Variants in TAF4B observed in about 807,000 individuals in gnomAD.
TAF4B encodes TATA-box binding protein associated factor 4b, also known as transcription initiation factor TFIID subunit 4B.
A neutral mutation model predicts 86.4 loss-of-function variants in TAF4B; 38 were observed. The observed-to-expected ratio is 0.44, with a 90% CI of 0.34 to 0.58. The LOEUF (loss-of-function observed/expected upper bound fraction) is 0.58, where lower values mean the gene tolerates loss of function less well. Ranked by LOEUF, TAF4B falls within the 20% of genes least tolerant of loss-of-function variation. TAF4B has a pLI of 0.02. For synonymous variants in TAF4B, 388 were observed against 391.2 expected (o/e 0.99, Z 0.10); for missense variants, 988 against 1,027.6 (o/e 0.96, Z 0.53).
At chr18:26,238,566 T>C (rs1307251011) in intron 1 of TAF4B, among the ~76,000 whole-genome samples, 1 of 152,158 alleles carries the variant, frequency 6.6e-6, no homozygotes, top group East Asian at 1.9e-4. Context: ...TATTTTTTTA[T>C]AAGTAATGAA....
chr18:26,306,824 G>A (rs1165793025), intron 9 of TAF4B, among the ~76,000 whole-genome samples: 1 of 1,792 alleles, frequency 5.6e-4, no homozygotes, highest in Non-Finnish European at 2.7e-3. Context: ...TGTCTCCCAG[G>A]CTGGAGTGCA....
intron 13 of TAF4B, among the ~76,000 whole-genome samples, chr18:26,351,518 A>G (rs2057246059): frequency 6.6e-6 from 1 of 152,178 alleles, no homozygotes; most frequent in Admixed American, 6.5e-5. Context: ...TGTTCTTAAC[A>G]TAAAAGTATG....
chr18:26,363,663 C>T (rs2057347998), intron 14 of TAF4B, among the ~76,000 whole-genome samples: 1 of 152,176 alleles, frequency 6.6e-6, no homozygotes, highest in Non-Finnish European at 1.5e-5. Context: ...TATTCACTTG[C>T]TTTATTTCTT....
chr18:26,260,251 A>G (rs944886966), intron 1 of TAF4B, among the ~76,000 whole-genome samples: 1 of 152,102 alleles, frequency 6.6e-6, no homozygotes, highest in Admixed American at 6.5e-5. Context: ...CTCTGATGGT[A>G]GTTTCTTTTG....
chr18:26,326,649 GATA>G (rs1370145160), intron 11 of TAF4B, among the ~76,000 whole-genome samples: 2 of 152,132 alleles, frequency 1.3e-5, no homozygotes, highest in Admixed American at 6.5e-5. Context: ...TGCTGAGGTA[GATA>G]ATAATCTAAA....
intron 9 of TAF4B, among the ~76,000 whole-genome samples, chr18:26,307,995 C>G (rs2056813473): frequency 6.6e-6 from 1 of 152,092 alleles, no homozygotes; most frequent in African/African-American, 2.4e-5. Flanking sequence ...GTAGTCCCAG[C>G]TACTTGGGAG....
intron 1 of TAF4B, among the ~76,000 whole-genome samples, chr18:26,245,970 G>A (rs1329084847): frequency 6.6e-6 from 1 of 152,188 alleles, no homozygotes; most frequent in Non-Finnish European, 1.5e-5. Flanking sequence ...TTTTTGTGCA[G>A]TTTGGAAACG....
intron 14 of TAF4B, among the ~76,000 whole-genome samples, chr18:26,368,727 A>G (rs1165817602): frequency 6.6e-6 from 1 of 151,274 alleles, no homozygotes; most frequent in African/African-American, 2.4e-5. Context: ...TTTTTTTTAC[A>G]TTCTGTTTTG....
chr18:26,344,226 T>C (rs2144711707), intron 13 of TAF4B, among the ~76,000 whole-genome samples: 2 of 152,254 alleles, frequency 1.3e-5, no homozygotes, highest in South Asian at 4.1e-4. Flanking sequence ...ACTCACATCA[T>C]AATCAATCTC....
intron 14 of TAF4B, among the ~76,000 whole-genome samples, chr18:26,364,793 G>C (rs944360486): frequency 2.6e-5 from 4 of 151,930 alleles, no homozygotes; most frequent in African/African-American, 9.7e-5. Context: ...AATAAATGAA[G>C]CTTCCTAAGA....
chr18:26,336,413 C>G (rs1598808717), intron 13 of TAF4B, among the ~76,000 whole-genome samples: 1 of 152,076 alleles, frequency 6.6e-6, no homozygotes, highest in Admixed American at 6.5e-5. Context: ...TGAGGCAAAA[C>G]AAGTGGAAAT....
intron 9 of TAF4B, among the ~76,000 whole-genome samples, chr18:26,307,743 C>T (rs1466544335): frequency 1.3e-5 from 2 of 152,086 alleles, no homozygotes; most frequent in South Asian, 4.2e-4. Flanking sequence ...TTTTTCCATA[C>T]TGCAGGAATT....
chr18:26,382,740 T>C (rs1978296963), intron 14 of TAF4B, among the ~76,000 whole-genome samples: 1 of 152,218 alleles, frequency 6.6e-6, no homozygotes, highest in Admixed American at 6.5e-5. Flanking sequence ...CTCCTACAGA[T>C]GATATCACCT....
intron 9 of TAF4B, among the ~76,000 whole-genome samples, chr18:26,307,034 C>A (rs1161893938): frequency 6.6e-6 from 1 of 152,082 alleles, no homozygotes; most frequent in Non-Finnish European, 1.5e-5. Flanking sequence ...CGTGATCCAC[C>A]TGCCTCGGCC....
At position 26,326,620 on chromosome 18, in the gene TAF4B, A is replaced by C. The variant is rs117062777; in HGVS notation, c.2134-395A>C. ...TTTGTCTTTCAGAAAACTAAGATTT[A>C]ATTACTTATATTAATGTCTGCTGAG... is the stretch of plus-strand genomic sequence containing the variant. On this transcript the variant is annotated intron_variant, in intron 11 of 14. Transcript: ENST00000269142. 2.5e-4 allele frequency among the ~76,000 whole-genome samples: 38 copies of C among 152,294 alleles called. No individual in the cohort carries two copies. The East Asian group carries it at 7.1e-3, about 29-fold the overall frequency.
chr18:26,391,372 A>C lies in TAF4B; in HGVS notation c.*1360A>C, dbSNP rs1978701111. 6.6e-6 allele frequency: 1 copy of C among 151,852 alleles called. No homozygotes were observed. The highest frequency in any genetic ancestry group is 1.5e-5 in the Non-Finnish European group (1 of 67,966). The allele number at this position is 151,852 out of a possible 1,614,324, so 9.4% of individuals were successfully genotyped here. ...TTATAAGAATTGAAGGAAAAAAAAA[A>C]AAACACCTCACGTATGTTATTCTTC... On this transcript the variant is annotated 3_prime_UTR_variant, in exon 15 of 15. Transcript: ENST00000269142.
intron 6 of TAF4B, among the ~76,000 whole-genome samples, chr18:26,283,896 A>C (rs983117572): frequency 1.1e-4 from 17 of 152,228 alleles, no homozygotes; most frequent in African/African-American, 4.1e-4. Flanking sequence ...ACTAAAAAAA[A>C]TAAAAAAGTT....
At chr18:26,325,665 C>T (rs75884016) in intron 11 of TAF4B, among the ~76,000 whole-genome samples, 11,519 of 152,062 alleles carry the variant, frequency 0.076, 539 homozygotes, top group Non-Finnish European at 0.1. Context: ...AATTAAATCC[C>T]ATCATTAAAC....
At chr18:26,245,825 T>G (rs1472862303) in intron 1 of TAF4B, among the ~76,000 whole-genome samples, 2 of 152,238 alleles carry the variant, frequency 1.3e-5, no homozygotes, top group African/African-American at 4.8e-5. Flanking sequence ...TGCTTCATTT[T>G]TTCAACTGCA....
Sources: gnomAD v4.1 joint callset for allele counts (sites outside exome capture counted in the v4.1 genomes callset) on GRCh38, gnomAD v4.1.1 for gene constraint, MANE v1.5 for transcripts, NCBI Gene and HGNC (gene_info 2026-07-23, HGNC 2026-07-21) for gene names.